Variants in KBTBD11 observed in about 807,000 individuals in gnomAD.
KBTBD11 encodes the protein kelch repeat and BTB domain-containing protein 11.
For synonymous variants in KBTBD11, 747 were observed against 499.0 expected (o/e 1.50, Z -6.63); for missense variants, 1,390 against 1,001.8 (o/e 1.39, Z -5.23).
Position 1,996,546 on chromosome 8 carries a change from G to C in KBTBD11, c.-908-3739G>C, listed in dbSNP as rs543317835. On this transcript the variant is annotated intron_variant, in intron 1 of 1. Transcript: ENST00000320248. The stretch of plus-strand genomic sequence containing the variant: ...GCCTCCCAAAGTGCTGGGATTACAG[G>C]CTTGAGCCACCGCGCCTGGCTGAAG... Among the ~76,000 whole-genome samples, 440 of 152,174 alleles carry C rather than the reference G, an allele frequency of 2.9e-3. 4 individuals carry two copies. Among genetic ancestry groups the C allele is most frequent in the African/African-American group, 0.01 (418 of 41,522 alleles).
chr8:1,995,635 G>A (rs1817109099), intron 1 of KBTBD11, among the ~76,000 whole-genome samples: 1 of 152,148 alleles, frequency 6.6e-6, no homozygotes, highest in African/African-American at 2.4e-5. Flanking sequence ...CTGCCCAGAA[G>A]CTGTGGGCCT....
chr8:1,997,405 A>AC (rs1817183117), intron 1 of KBTBD11, among the ~76,000 whole-genome samples: 2 of 151,974 alleles, frequency 1.3e-5, no homozygotes, highest in African/African-American at 2.4e-5. Context: ...CATTCTGGAA[A>AC]AAAAAAAAAA....
intron 1 of KBTBD11, among the ~76,000 whole-genome samples, chr8:1,997,145 G>A (rs2129314925): frequency 1.3e-5 from 2 of 152,202 alleles, no homozygotes; most frequent in East Asian, 3.9e-4. Flanking sequence ...CCGGCGGGGG[G>A]TGGGCGAGTT....
At chr8:1,975,718 C>A (rs1816314614) in intron 1 of KBTBD11, among the ~76,000 whole-genome samples, 1 of 152,188 alleles carries the variant, frequency 6.6e-6, no homozygotes, top group Non-Finnish European at 1.5e-5. Flanking sequence ...GGCTCTGAGA[C>A]TAAAGAAATT....
intron 1 of KBTBD11, among the ~76,000 whole-genome samples, chr8:1,994,617 T>C (rs1272353829): frequency 6.6e-6 from 1 of 152,230 alleles, no homozygotes; most frequent in Non-Finnish European, 1.5e-5. Context: ...AGAAGGCTCC[T>C]GCGGGTGCCA....
Position 2,006,784 on chromosome 8 carries a change from T to G in KBTBD11, c.*3720T>G, listed in dbSNP as rs1817584964. The G allele has an allele frequency of 1.2e-5, 2 of 167,252 alleles. No individual in the cohort carries two copies. Among genetic ancestry groups the G allele is most frequent in the South Asian group, 4.1e-4 (2 of 4,826 alleles). The allele number at this position is 167,252 out of a possible 1,614,324, so 10.4% of individuals were successfully genotyped here. On this transcript the variant is annotated 3_prime_UTR_variant, in exon 2 of 2. Coordinates refer to ENST00000320248, the MANE Select transcript of KBTBD11 (RefSeq NM_014867.3). Reference sequence around the variant, plus strand: ...ATTTATTAAAGGTAAACTACACCTGTTGAAGGCCAAGTTCAGGGCAGCTGT... The same window carrying G: ...ATTTATTAAAGGTAAACTACACCTGGTGAAGGCCAAGTTCAGGGCAGCTGT...
chr8:1,979,226 A>T (rs147336308), intron 1 of KBTBD11, among the ~76,000 whole-genome samples: 1 of 152,326 alleles, frequency 6.6e-6, no homozygotes, highest in African/African-American at 2.4e-5. Flanking sequence ...CCTCCTCGGG[A>T]ACCTCCGCCT....
At position 1,978,524 on chromosome 8, in the gene KBTBD11, G is replaced by A. The variant is rs535145232; in HGVS notation, c.-909+4589G>A. Reference sequence around the variant, plus strand: ...TGCAGCGTGGCAGCCTTGATGCAGTGGACTCCCTGTGTGTTGAGTCAGGGT... The same window carrying A: ...TGCAGCGTGGCAGCCTTGATGCAGTAGACTCCCTGTGTGTTGAGTCAGGGT... On this transcript the variant is annotated intron_variant, in intron 1 of 1. Coordinates refer to ENST00000320248, the MANE Select transcript of KBTBD11 (RefSeq NM_014867.3). Among the ~76,000 whole-genome samples the A allele has an allele frequency of 6.6e-5, 10 of 152,288 alleles. No homozygotes were observed. In the East Asian group the frequency reaches 1.7e-3, roughly 27 times the overall value.
chr8:2,002,001 C>G lies in KBTBD11; in HGVS notation c.809C>G (p.Pro270Arg). 7.0e-7 allele frequency: 1 copy of G among 1,424,940 alleles called. No homozygotes were observed. The highest frequency in any genetic ancestry group is 1.3e-5 in the South Asian group (1 of 79,426). 88.3% of individuals were successfully genotyped at this position (1,424,940 alleles called of 1,614,324 possible). The part of the protein sequence containing the change: ...SDHYLEVLRE[P>R]AVFGRLSGAE... The stretch of plus-strand genomic sequence containing the variant: ...CACTATCTGGAGGTGCTGCGCGAGC[C>G]CGCCGTGTTCGGCCGCCTGTCGGGC... Residue 270 changes from proline (P) to arginine (R), a missense_variant, in exon 2 of 2, where the codon CCC becomes CGC. Pro to Arg is a moderately radical substitution (Grantham distance 103). Transcript: ENST00000320248. This position sits in a 1 kb window ranked among gnomAD's most constrained non-coding sequence, Gnocchi z 4.1.
intron 1 of KBTBD11, among the ~76,000 whole-genome samples, chr8:1,987,739 TA>T (rs1816752521): frequency 6.6e-6 from 1 of 151,684 alleles, no homozygotes; most frequent in East Asian, 1.9e-4. Context: ...TTATTATTAT[TA>T]TTATTATTAT....
chr8:1,979,046 C>G (rs1004246097), intron 1 of KBTBD11, among the ~76,000 whole-genome samples: 2 of 152,154 alleles, frequency 1.3e-5, no homozygotes, highest in Non-Finnish European at 2.9e-5. Flanking sequence ...GGAAACACAA[C>G]CAACTGGGTA....
intron 1 of KBTBD11, among the ~76,000 whole-genome samples, chr8:1,990,708 G>C (rs377273464): frequency 0.017 from 416 of 24,688 alleles, no homozygotes; most frequent in African/African-American, 0.032. Context: ...TAGGTGCTGC[G>C]GGGCCTTGGC....
intron 1 of KBTBD11, among the ~76,000 whole-genome samples, chr8:1,979,089 C>T (rs967682681): frequency 9.2e-5 from 14 of 152,052 alleles, no homozygotes; most frequent in African/African-American, 2.4e-4. Flanking sequence ...TGTGTCTGCA[C>T]GTGTGAGAGG....
Position 1,973,917 on chromosome 8 carries a change from G to A in KBTBD11, c.-927G>A. 1.0e-6 allele frequency: 1 copy of A among 982,816 alleles called. No homozygotes were observed. Among genetic ancestry groups the A allele is most frequent in the Non-Finnish European group, 1.2e-6 (1 of 828,690 alleles). The allele number at this position is 982,816 out of a possible 1,614,324, so 60.9% of individuals were successfully genotyped here. A position where few individuals can be genotyped will look rare whatever the true frequency, so the allele number is the denominator to read the frequency against. On this transcript the variant is annotated 5_prime_UTR_variant, in exon 1 of 2. Transcript: ENST00000320248. ...GCTGCGCGTCCCGGGCCCGGCGGCT[G>A]AAGAGGAGCCGCGGCGAGGTAGGGC... is the stretch of plus-strand genomic sequence containing the variant.
At chr8:1,989,576 G>C (rs562224450) in intron 1 of KBTBD11, among the ~76,000 whole-genome samples, 1 of 152,284 alleles carries the variant, frequency 6.6e-6, no homozygotes, top group South Asian at 2.1e-4. Flanking sequence ...TCAGACGCTT[G>C]CATTTTTTAA....
rs1259207874 is a variant in KBTBD11, at chr8:2,005,500, G to A, written c.*2436G>A. The A allele has an allele frequency of 1.2e-5, 2 of 167,120 alleles. No homozygotes were observed. Among genetic ancestry groups the A allele is most frequent in the Admixed American group, 6.5e-5 (1 of 15,288 alleles). 10.4% of individuals were successfully genotyped at this position (167,120 alleles called of 1,614,324 possible). On this transcript the variant is annotated 3_prime_UTR_variant, in exon 2 of 2. Coordinates refer to ENST00000320248, the MANE Select transcript of KBTBD11 (RefSeq NM_014867.3). ...ACAGAGAAAAGCCACACCCTCCAAG[G>A]TGTGGCTTTCATTTTGGGACTGCTG...
At chr8:1,978,657 C>T (rs979858106) in intron 1 of KBTBD11, among the ~76,000 whole-genome samples, 3 of 152,152 alleles carry the variant, frequency 2.0e-5, no homozygotes, top group Non-Finnish European at 4.4e-5. Flanking sequence ...TGGCCTGCCA[C>T]GTAGAAGGGG....
chr8:2,001,732 C>T lies in KBTBD11; in HGVS notation c.540C>T (p.Ser180=), dbSNP rs1817369670. ...ACGTGCTGCGGGTGCAGGGAGTGAGCCTGACGGCGCTGCGGCTGCTCCTCG... is the reference window on the plus strand; with the variant it reads ...ACGTGCTGCGGGTGCAGGGAGTGAGTCTGACGGCGCTGCGGCTGCTCCTCG... The part of the protein sequence containing the change: ...SRDVLRVQGV[S]LTALRLLLAD... Residue 180 remains serine (S), a synonymous_variant, in exon 2 of 2, where the codon AGC becomes AGT. Coordinates refer to ENST00000320248, the MANE Select transcript of KBTBD11 (RefSeq NM_014867.3). 2.2e-6 allele frequency: 3 copies of T among 1,366,892 alleles called. No individual in the cohort carries two copies. Among genetic ancestry groups the T allele is most frequent in the Non-Finnish European group, 2.8e-6 (3 of 1,062,906 alleles). The allele number at this position is 1,366,892 out of a possible 1,614,324, so 84.7% of individuals were successfully genotyped here.
At chr8:1,980,598 G>T (rs982067064) in intron 1 of KBTBD11, among the ~76,000 whole-genome samples, 4 of 152,224 alleles carry the variant, frequency 2.6e-5, no homozygotes, top group Non-Finnish European at 5.9e-5. Context: ...GCTTCCGTGG[G>T]GGATGCCACG....
Sources: gnomAD v4.1 joint callset for allele counts (sites outside exome capture counted in the v4.1 genomes callset) on GRCh38, gnomAD v4.1.1 for gene constraint, Gnocchi (gnomAD v3.1) non-coding constraint, MANE v1.5 for transcripts, NCBI Gene and HGNC (gene_info 2026-07-23, HGNC 2026-07-21) for gene names.